The following NPAS3 variants were observed in gnomAD, a reference collection of about 807,000 sequenced individuals.
The protein encoded by NPAS3 is neuronal PAS domain-containing protein 3.
Under a neutral mutation model 73.1 loss-of-function variants are expected in NPAS3, and 14 were observed. The ratio of observed to expected loss-of-function variants is 0.19; its 90% CI spans 0.13 to 0.30. The LOEUF (loss-of-function observed/expected upper bound fraction) is 0.30. Among genes scored for constraint, NPAS3 ranks in the 10% least tolerant of loss-of-function variants. NPAS3 has a pLI of 1.00. For missense variants in NPAS3, 1,096 were observed against 1,250.0 expected (o/e 0.88, Z 1.86); for synonymous variants, 620 against 541.5 (o/e 1.14, Z -2.01).
intron 7 of NPAS3, among the ~76,000 whole-genome samples, chr14:33,766,875 C>T (rs981798108): frequency 6.6e-6 from 1 of 152,118 alleles, no homozygotes; most frequent in Non-Finnish European, 1.5e-5. Flanking sequence ...TCAGCTTTTC[C>T]CTGTTCTGCC....
At chr14:33,111,144 G>T (rs2042878475) in intron 2 of NPAS3, among the ~76,000 whole-genome samples, 1 of 152,182 alleles carries the variant, frequency 6.6e-6, no homozygotes, top group African/African-American at 2.4e-5. Flanking sequence ...CACTGTTGGG[G>T]AGAAGAAACT....
In NPAS3 at chr14:33,716,346, CTT is replaced by C. The variant is rs1308963780; in HGVS notation, c.734-18867_734-18866del. 2.0e-5 allele frequency among the ~76,000 whole-genome samples: 3 copies of C among 152,264 alleles called. No homozygotes were observed. In the South Asian group the frequency reaches 6.2e-4, roughly 32 times the overall value. ...CCTTTGTATCATGATTCTTCCCTAT[CTT>C]GTTTTTCTTGTTTTTCCTTCTCTAT... On this transcript the variant is annotated intron_variant, in intron 6 of 11. Transcript: ENST00000356141.
intron 5 of NPAS3, among the ~76,000 whole-genome samples, chr14:33,575,606 C>G (rs1040367592): frequency 6.6e-6 from 1 of 152,154 alleles, no homozygotes; most frequent in African/African-American, 2.4e-5. Context: ...AAGGATGATA[C>G]AGTCCTTCAG....
intron 1 of NPAS3, among the ~76,000 whole-genome samples, chr14:33,002,685 C>T (rs2038851112): frequency 6.6e-6 from 1 of 152,086 alleles, no homozygotes; most frequent in African/African-American, 2.4e-5. Flanking sequence ...TAGGTGGCTT[C>T]CACAAATTCT....
Position 33,800,750 on chromosome 14 carries a change from G to A in NPAS3, c.2443G>A (p.Ala815Thr), listed in dbSNP as rs991368681. Residue 815 changes from alanine (A) to threonine (T), a missense_variant, in exon 12 of 12, where the codon GCC becomes ACC. Transcript: ENST00000356141. This position sits in a 1 kb window ranked among gnomAD's most constrained non-coding sequence, Gnocchi z 6.5. ...GCACAGGGTGACCGGGACCCTGGCC[G>A]CCACCAGCACGGCCGCGCAGAGGGT... The A allele has an allele frequency of 5.8e-6, 9 of 1,563,194 alleles. No individual in the cohort carries two copies. In the Admixed American group the frequency reaches 7.5e-5, roughly 13 times the overall value.
chr14:33,662,914 G>T (rs544511240), intron 5 of NPAS3, among the ~76,000 whole-genome samples: 1 of 138,618 alleles, frequency 7.2e-6, no homozygotes, highest in East Asian at 2.2e-4. Flanking sequence ...AGACTGGAGT[G>T]CGGTGGCACG....
At chr14:33,650,587 C>G (rs1356660363) in intron 5 of NPAS3, among the ~76,000 whole-genome samples, 2 of 152,188 alleles carry the variant, frequency 1.3e-5, no homozygotes, top group African/African-American at 4.8e-5. Flanking sequence ...CATTATTCAT[C>G]CCTTCACCTC....
chr14:33,634,799 C>T (rs2058471049), intron 5 of NPAS3, among the ~76,000 whole-genome samples: 1 of 152,194 alleles, frequency 6.6e-6, no homozygotes, highest in Admixed American at 6.5e-5. Context: ...TGTGAATCAT[C>T]AGTCTTGCTA....
chr14:33,083,014 C>T (rs2041907246), intron 2 of NPAS3, among the ~76,000 whole-genome samples: 1 of 151,484 alleles, frequency 6.6e-6, no homozygotes, highest in South Asian at 2.1e-4. Flanking sequence ...AACCTTGTCT[C>T]TACAAAAAAA....
chr14:33,106,900 G>C (rs2042737932), intron 2 of NPAS3, among the ~76,000 whole-genome samples: 2 of 152,116 alleles, frequency 1.3e-5, no homozygotes, highest in Non-Finnish European at 2.9e-5. Context: ...ATATCTTACA[G>C]TGACACATCT....
intron 4 of NPAS3, among the ~76,000 whole-genome samples, chr14:33,489,739 A>C (rs2051796892): frequency 6.6e-6 from 1 of 152,166 alleles, no homozygotes; most frequent in Admixed American, 6.5e-5. Context: ...TCCAGAACAT[A>C]TTATAAATTG....
At chr14:33,518,845 A>G (rs374156988) in intron 4 of NPAS3, among the ~76,000 whole-genome samples, 2 of 151,858 alleles carry the variant, frequency 1.3e-5, no homozygotes, top group East Asian at 3.9e-4. Context: ...ACTCTACCAC[A>G]GTGGAATCAA....
chr14:33,570,365 C>G (rs993027369), intron 5 of NPAS3, among the ~76,000 whole-genome samples: 2 of 152,144 alleles, frequency 1.3e-5, no homozygotes, highest in Admixed American at 1.3e-4. Flanking sequence ...CTTCAGAGTG[C>G]TGTACAGCAG....
exon 8 of NPAS3, chr14:33,774,421 G>A: frequency 6.2e-7 from 1 of 1,614,196 alleles, no homozygotes; most frequent in Non-Finnish European, 8.5e-7. Flanking sequence ...GGGTCTCGTG[G>A]TTGTTGCGCA....
At chr14:33,721,235 C>T (rs1015291675) in intron 6 of NPAS3, among the ~76,000 whole-genome samples, 4 of 152,146 alleles carry the variant, frequency 2.6e-5, no homozygotes, top group South Asian at 2.1e-4. Flanking sequence ...AAATTACTTA[C>T]ATACACACTG....
At chr14:33,688,102 T>A (rs1437829391) in intron 6 of NPAS3, among the ~76,000 whole-genome samples, 3 of 152,208 alleles carry the variant, frequency 2.0e-5, no homozygotes, top group Non-Finnish European at 4.4e-5. Flanking sequence ...AATTTTAGGT[T>A]CAGAGGGTAC....
chr14:33,156,283 G>C (rs1219549279), intron 2 of NPAS3, among the ~76,000 whole-genome samples: 1 of 152,116 alleles, frequency 6.6e-6, no homozygotes, highest in Admixed American at 6.5e-5. Context: ...ACTGCAGATT[G>C]ATCTATTGAA....
chr14:33,612,910 G>A (rs538604905), intron 5 of NPAS3, among the ~76,000 whole-genome samples: 28 of 151,938 alleles, frequency 1.8e-4, no homozygotes, highest in African/African-American at 5.1e-4. Context: ...ATTGTTTTTC[G>A]TTTTCACTTT....
At chr14:33,028,680 T>C (rs1461611247) in intron 1 of NPAS3, among the ~76,000 whole-genome samples, 1 of 152,128 alleles carries the variant, frequency 6.6e-6, no homozygotes, top group African/African-American at 2.4e-5. Flanking sequence ...CTGGAGTAGT[T>C]GTGTACAGGT....
Sources: gnomAD v4.1 joint callset for allele counts (sites outside exome capture counted in the v4.1 genomes callset) on GRCh38, gnomAD v4.1.1 for gene constraint, Gnocchi (gnomAD v3.1) non-coding constraint, MANE v1.5 for transcripts, NCBI Gene and HGNC (gene_info 2026-07-23, HGNC 2026-07-21) for gene names.